KCTD16: variants seen among roughly 807,000 people sequenced by gnomAD.
The protein encoded by KCTD16 is potassium channel tetramerization domain containing 16.
Under a neutral mutation model 33.2 loss-of-function variants are expected in KCTD16, and 13 were observed. The ratio of observed to expected loss-of-function variants is 0.39; its 90% confidence interval spans 0.25 to 0.62. The LOEUF is 0.62. Among genes scored for constraint, KCTD16 ranks in the 20% least tolerant of loss-of-function variants. KCTD16 has a pLI of 0.50. For missense variants in KCTD16, 441 were observed against 525.1 expected (o/e 0.84, Z 1.57); for synonymous variants, 197 against 195.3 (o/e 1.01, Z -0.07).
chr5:144,211,200 G>A (rs1242662080), intron 3 of KCTD16, among the ~76,000 whole-genome samples: 2 of 151,852 alleles, frequency 1.3e-5, no homozygotes, highest in Non-Finnish European at 1.5e-5. Context: ...GTGTGACCTC[G>A]TATTGGGGAG....
intron 3 of KCTD16, among the ~76,000 whole-genome samples, chr5:144,266,441 G>A (rs1755144498): frequency 6.6e-6 from 1 of 152,182 alleles, no homozygotes; most frequent in Non-Finnish European, 1.5e-5. Context: ...TGCAGGAGAT[G>A]AGAGCATCAA....
rs566681546 is a variant in KCTD16, at chr5:144,482,073, G to A, written c.*7959G>A. On this transcript the variant is annotated 3_prime_UTR_variant, in exon 4 of 4. Coordinates refer to ENST00000512467, the MANE Select transcript of KCTD16 (RefSeq NM_020768.4). ...GTGGCAGAGCCAGATTTTCCTCTGA[G>A]TTTATTAGACTCTAAAGGCTGCTGG... 5.3e-5 allele frequency: 8 copies of A among 152,032 alleles called. No individual in the cohort carries two copies. Among genetic ancestry groups the A allele is most frequent in the African/African-American group, 1.9e-4 (8 of 41,522 alleles). The allele number at this position is 152,032 out of a possible 1,614,324, so 9.4% of individuals were successfully genotyped here. A position where few individuals can be genotyped will look rare whatever the true frequency, so the allele number is the denominator to read the frequency against.
chr5:144,212,248 A>C (rs181502913), intron 3 of KCTD16, among the ~76,000 whole-genome samples: 232 of 152,278 alleles, frequency 1.5e-3, no homozygotes, highest in African/African-American at 5.4e-3. Context: ...AATTGGGCTT[A>C]ATAGAACAGT....
intron 3 of KCTD16, among the ~76,000 whole-genome samples, chr5:144,342,804 G>T (rs12655168): frequency 0.025 from 3,831 of 152,234 alleles, 183 homozygotes; most frequent in East Asian, 0.2. Context: ...GTTGAATTTT[G>T]TCGAAGGTCT....
intron 3 of KCTD16, among the ~76,000 whole-genome samples, chr5:144,426,896 A>C (rs1440899672): frequency 6.6e-6 from 1 of 152,120 alleles, no homozygotes; most frequent in Admixed American, 6.6e-5. Context: ...CCAACCTCTT[A>C]ATACTGTCAT....
In KCTD16 at chr5:144,262,837, A is replaced by G. The variant is rs547737410; in HGVS notation, c.832+55291A>G. Among the ~76,000 whole-genome samples, 10 of 152,322 alleles carry G rather than the reference A, an allele frequency of 6.6e-5. No homozygotes were observed. In the Middle Eastern group the frequency reaches 0.01, roughly 155 times the overall value. ...CTCTTATCACTTTATTTTGTCTTCA[A>G]GTGGTTCCCTTGCCCTGTCTATCTG... On this transcript the variant is annotated intron_variant, in intron 3 of 3. Coordinates refer to ENST00000512467, the MANE Select transcript of KCTD16 (RefSeq NM_020768.4).
At chr5:144,172,772 T>C (rs534240147) in intron 1 of KCTD16, among the ~76,000 whole-genome samples, 1 of 152,342 alleles carries the variant, frequency 6.6e-6, no homozygotes, top group East Asian at 1.9e-4. Context: ...GATTGTACTT[T>C]CTTTAAGCTA....
chr5:144,436,232 C>T (rs1753572710), intron 3 of KCTD16, among the ~76,000 whole-genome samples: 2 of 152,168 alleles, frequency 1.3e-5, no homozygotes, highest in South Asian at 4.1e-4. Flanking sequence ...GCAGGCAGAC[C>T]TGGCATAGTG....
rs542172035 is a variant in KCTD16 at position 144,474,975 on chromosome 5, A to T, written c.*861A>T. 1.3e-5 allele frequency: 2 copies of T among 152,240 alleles called. No homozygotes were observed. The highest frequency in any genetic ancestry group is 2.9e-5 in the Non-Finnish European group (2 of 68,060). The allele number at this position is 152,240 out of a possible 1,614,324, so 9.4% of individuals were successfully genotyped here. A position where few individuals can be genotyped will look rare whatever the true frequency, so the allele number is the denominator to read the frequency against. ...GTCAAACATTCCTTGTGTTAAAAAA[A>T]TCAAACATTCATATCCACAAAATTT... On this transcript the variant is annotated 3_prime_UTR_variant, in exon 4 of 4. Coordinates refer to ENST00000512467, the MANE Select transcript of KCTD16 (RefSeq NM_020768.4).
At chr5:144,442,143 A>G (rs1325152587) in intron 3 of KCTD16, among the ~76,000 whole-genome samples, 1 of 152,040 alleles carries the variant, frequency 6.6e-6, no homozygotes, top group Non-Finnish European at 1.5e-5. Context: ...TGCTAGTAGT[A>G]TTGGTTTTTG....
intron 3 of KCTD16, among the ~76,000 whole-genome samples, chr5:144,447,913 A>C (rs1580972858): frequency 6.6e-6 from 1 of 152,138 alleles, no homozygotes; most frequent in South Asian, 2.1e-4. Context: ...ATTATACCCT[A>C]GACCACTTAA....
In KCTD16 at chr5:144,207,634, G is replaced by A. The variant is rs968530250; in HGVS notation, c.832+88G>A. 6.5e-5 allele frequency: 62 copies of A among 959,274 alleles called. 1 individual carries two copies. The African/African-American group carries it at 1.0e-3, about 16-fold the overall frequency. The allele number at this position is 959,274 out of a possible 1,614,324, so 59.4% of individuals were successfully genotyped here. On this transcript the variant is annotated intron_variant, in intron 3 of 3. Transcript: ENST00000512467. ...TCTGTGTGTTCTCTCCATACCTAAG[G>A]AACATGGTTTGGAATTCTTTTTAAC... is the stretch of plus-strand genomic sequence containing the variant.
intron 3 of KCTD16, among the ~76,000 whole-genome samples, chr5:144,229,784 G>A (rs969760323): frequency 6.6e-6 from 1 of 152,164 alleles, no homozygotes; most frequent in Non-Finnish European, 1.5e-5. Flanking sequence ...ATTTTCAAAT[G>A]TTTTGTGTCA....
chr5:144,383,467 G>GT (rs1752258609), intron 3 of KCTD16, among the ~76,000 whole-genome samples: 1 of 150,814 alleles, frequency 6.6e-6, no homozygotes, highest in African/African-American at 2.4e-5. Flanking sequence ...TGCATCATAT[G>GT]TTAATAAGCT....
chr5:144,458,602 T>G (rs1754124962), intron 3 of KCTD16, among the ~76,000 whole-genome samples: 1 of 152,226 alleles, frequency 6.6e-6, no homozygotes, highest in Non-Finnish European at 1.5e-5. Context: ...GTTTACTATT[T>G]GCTTACTTAT....
intron 3 of KCTD16, among the ~76,000 whole-genome samples, chr5:144,363,032 T>A (rs1011710689): frequency 6.6e-6 from 1 of 152,232 alleles, no homozygotes; most frequent in Non-Finnish European, 1.5e-5. Context: ...GCCTCTCATT[T>A]GGCCACTCAT....
At chr5:144,342,943 T>G (rs1159520401) in intron 3 of KCTD16, among the ~76,000 whole-genome samples, 2 of 152,224 alleles carry the variant, frequency 1.3e-5, no homozygotes, top group Admixed American at 1.3e-4. Context: ...TTGATCATGG[T>G]GGATGAGCTT....
intron 3 of KCTD16, among the ~76,000 whole-genome samples, chr5:144,317,634 T>TC (rs1751956600): frequency 6.6e-6 from 1 of 152,196 alleles, no homozygotes. Context: ...CCTTATTTCT[T>TC]CTAGGAATGC....
intron 3 of KCTD16, among the ~76,000 whole-genome samples, chr5:144,219,513 CTTTTTTTT>C (rs59442398): frequency 1.9e-3 from 150 of 77,136 alleles, no homozygotes; most frequent in African/African-American, 7.5e-3. Context: ...TGTGCTGGGC[CTTTTTTTT>C]TTTTTTTTTT....
Sources: allele counts gnomAD v4.1 joint callset (sites outside exome capture counted in the v4.1 genomes callset), GRCh38; gene constraint gnomAD v4.1.1; transcripts MANE v1.5; gene names NCBI Gene and HGNC (gene_info 2026-07-23, HGNC 2026-07-21).